Variants in SEMA5A observed in about 807,000 individuals in gnomAD.
The protein encoded by SEMA5A is semaphorin 5A.
SEMA5A carries 55 observed loss-of-function variants against 135.5 expected under a neutral mutation model. The ratio of observed to expected loss-of-function variants is 0.41; its 90% CI spans 0.33 to 0.51. The LOEUF (loss-of-function observed/expected upper bound fraction) is 0.51. Ranked by LOEUF, SEMA5A falls within the 20% of genes least tolerant of loss-of-function variation. The pLI is 0.37. For missense variants in SEMA5A, 1,290 were observed against 1,419.9 expected, an observed-to-expected ratio of 0.91 and a Z score of 1.47; for synonymous variants, 580 against 546.5, an observed-to-expected ratio of 1.06 and a Z score of -0.85.
chr5:9,108,203 C>T lies in SEMA5A; in HGVS notation c.2010G>A (p.Gly670=). Reference sequence around the variant, plus strand: ...TCCTGCGGCGAGCTTGAATGCCACCCCCGCATTGGGCTGTGCACCGTTCCC... The same window carrying T: ...TCCTGCGGCGAGCTTGAATGCCACCTCCGCATTGGGCTGTGCACCGTTCCC... ...GPWERCTAQC[G]GGIQARRRIC... Residue 670 remains glycine, a synonymous_variant, in exon 16 of 23, where the codon GGG becomes GGA. Coordinates refer to ENST00000382496, the MANE Select transcript of SEMA5A (RefSeq NM_003966.3). 6.2e-7 allele frequency: 1 copy of T among 1,614,136 alleles called. No individual in the cohort carries two copies.
At chr5:9,155,654 T>G (rs1742913617) in intron 11 of SEMA5A, among the ~76,000 whole-genome samples, 1 of 152,190 alleles carries the variant, frequency 6.6e-6, no homozygotes, top group African/African-American at 2.4e-5. Flanking sequence ...ATGGTTCTTA[T>G]TTTGCAAACA....
chr5:9,335,558 C>T (rs1030944523), intron 4 of SEMA5A, among the ~76,000 whole-genome samples: 2 of 152,144 alleles, frequency 1.3e-5, no homozygotes, highest in Non-Finnish European at 2.9e-5. Flanking sequence ...TTCCAAAGTT[C>T]TTTAGAGATG....
intron 10 of SEMA5A, among the ~76,000 whole-genome samples, chr5:9,194,499 T>C (rs40693): frequency 0.29 from 44,484 of 152,204 alleles, 8,113 homozygotes; most frequent in Non-Finnish European, 0.41. Flanking sequence ...AGGCCTCTTA[T>C]ACATGTCTGG....
intron 1 of SEMA5A, among the ~76,000 whole-genome samples, chr5:9,445,407 C>T (rs1018016611): frequency 2.0e-5 from 3 of 151,610 alleles, no homozygotes; most frequent in South Asian, 2.1e-4. Flanking sequence ...CGGTGGCTCA[C>T]GCCTGTAATC....
intron 5 of SEMA5A, among the ~76,000 whole-genome samples, chr5:9,282,064 G>A (rs189587232): frequency 1.1e-3 from 166 of 152,120 alleles, no homozygotes; most frequent in African/African-American, 3.8e-3. Context: ...ACCCATCAGA[G>A]CCTCCTAAAG....
chr5:9,189,516 T>C (rs1261916130), intron 11 of SEMA5A, among the ~76,000 whole-genome samples: 1 of 151,824 alleles, frequency 6.6e-6, no homozygotes, highest in Non-Finnish European at 1.5e-5. Context: ...TCGTGATCCA[T>C]GAGAAATGAC....
chr5:9,366,633 C>T (rs1754927595), intron 3 of SEMA5A, among the ~76,000 whole-genome samples: 1 of 152,186 alleles, frequency 6.6e-6, no homozygotes. Context: ...CATGATCCGT[C>T]CGCCTTAGCC....
chr5:9,417,415 C>A (rs1174877580), intron 2 of SEMA5A, among the ~76,000 whole-genome samples: 1 of 152,168 alleles, frequency 6.6e-6, no homozygotes, highest in Non-Finnish European at 1.5e-5. Flanking sequence ...AATTTTTAAG[C>A]CTTAAGTGGG....
intron 22 of SEMA5A, 92 bp downstream of exon 22, chr5:9,044,281 G>C (rs1286366144): frequency 9.0e-7 from 1 of 1,107,822 alleles, no homozygotes; most frequent in Non-Finnish European, 1.4e-6. Context: ...AGTTTCAAAG[G>C]AAACCACCAC....
intron 1 of SEMA5A, among the ~76,000 whole-genome samples, chr5:9,465,118 A>G (rs1388398816): frequency 6.6e-6 from 1 of 150,898 alleles, no homozygotes; most frequent in Non-Finnish European, 1.5e-5. Context: ...AAATGTCAAA[A>G]TGCTGGGCCC....
At chr5:9,127,737 G>T (rs1258688134) in intron 13 of SEMA5A, among the ~76,000 whole-genome samples, 1 of 152,142 alleles carries the variant, frequency 6.6e-6, no homozygotes, top group East Asian at 1.9e-4. Context: ...ACAAATTAGA[G>T]AATTTGAGGC....
At chr5:9,324,080 T>A (rs1276254276) in intron 4 of SEMA5A, among the ~76,000 whole-genome samples, 2 of 152,010 alleles carry the variant, frequency 1.3e-5, no homozygotes, top group Non-Finnish European at 2.9e-5. Flanking sequence ...TTTTATTTTT[T>A]TTTTTTGAGA....
chr5:9,258,754 G>A (rs1384639710), intron 5 of SEMA5A, among the ~76,000 whole-genome samples: 3 of 131,754 alleles, frequency 2.3e-5, no homozygotes, highest in Non-Finnish European at 3.2e-5. Flanking sequence ...CTGTGATATT[G>A]TTAACTACAT....
At chr5:9,146,261 A>G (rs1275951262) in intron 12 of SEMA5A, among the ~76,000 whole-genome samples, 1 of 152,186 alleles carries the variant, frequency 6.6e-6, no homozygotes, top group Non-Finnish European at 1.5e-5. Flanking sequence ...TGTTAGTGCC[A>G]GCACCAACAA....
intron 5 of SEMA5A, among the ~76,000 whole-genome samples, chr5:9,297,326 G>A (rs1364051209): frequency 1.3e-5 from 2 of 152,046 alleles, no homozygotes; most frequent in Non-Finnish European, 2.9e-5. Context: ...TGTGTCCTCT[G>A]AGAAATTCAT....
intron 1 of SEMA5A, among the ~76,000 whole-genome samples, chr5:9,497,436 G>A (rs1206374690): frequency 6.6e-6 from 1 of 152,194 alleles, no homozygotes; most frequent in African/African-American, 2.4e-5. Flanking sequence ...GCCGATAATG[G>A]AGAAACTAGC....
Position 9,318,402 on chromosome 5 carries a change from C to T in SEMA5A, c.240G>A (p.Arg80=), listed in dbSNP as rs377291050. Residue 80 remains arginine (R), a synonymous_variant, in exon 5 of 23, where the codon AGG becomes AGA. Transcript: ENST00000382496. ...TAAGAGACAGATCCTCAAGCTGTAA[C>T]CTGAAGAGGTAGTTTCTGCAAAATA... is the stretch of plus-strand genomic sequence containing the variant. ...LVVGARNYLF[R]LQLEDLSLIQ... is the part of the protein sequence containing the mutation. The T allele has an allele frequency of 1.2e-6, 2 of 1,612,326 alleles. No individual in the cohort carries two copies. The highest frequency in any genetic ancestry group is 1.3e-5 in the African/African-American group (1 of 74,934).
At chr5:9,534,303 C>A (rs1052081989) in intron 1 of SEMA5A, among the ~76,000 whole-genome samples, 5 of 152,210 alleles carry the variant, frequency 3.3e-5, no homozygotes, top group Admixed American at 6.5e-5. Flanking sequence ...TTAGGGCCAG[C>A]TCCAAAAACC....
chr5:9,499,326 T>C (rs1420601280), intron 1 of SEMA5A, among the ~76,000 whole-genome samples: 1 of 151,970 alleles, frequency 6.6e-6, no homozygotes, highest in Non-Finnish European at 1.5e-5. Flanking sequence ...TTTCCCCACA[T>C]GAAAAAATGT....
Sources: allele counts gnomAD v4.1 joint callset (sites outside exome capture counted in the v4.1 genomes callset), GRCh38; gene constraint gnomAD v4.1.1; transcripts MANE v1.5; gene names NCBI Gene and HGNC (gene_info 2026-07-23, HGNC 2026-07-21).